Variants in NINJ1 observed in about 807,000 individuals in gnomAD.
NINJ1 encodes ninjurin 1, also known as ninjurin-1.
A neutral mutation model predicts 12.7 loss-of-function variants in NINJ1; 6 were observed. The observed-to-expected ratio is 0.47, with a 90% CI of 0.26 to 0.93. NINJ1 has a LOEUF of 0.93. NINJ1 is among the 40% of genes least tolerant of loss of function. The pLI is 0.15. For missense variants in NINJ1, 170 were observed against 213.0 expected, an observed-to-expected ratio of 0.80 and a Z score of 1.26; for synonymous variants, 100 against 96.0, an observed-to-expected ratio of 1.04 and a Z score of -0.25.
chr9:93,125,255 C>A, intron 2 of NINJ1, 193 bp from the exon 3 acceptor site: 1 of 540,988 alleles, frequency 1.8e-6, no homozygotes, highest in Non-Finnish European at 3.1e-6. Flanking sequence ...ACAACAGCGC[C>A]CCTGGCTTGG....
At position 93,133,705 on chromosome 9, in the gene NINJ1, C is replaced by T. The variant is rs995593424; in HGVS notation, c.75+438G>A. Among the ~76,000 whole-genome samples, 3 of 152,234 alleles carry T rather than the reference C, an allele frequency of 2.0e-5. No homozygotes were observed. In the East Asian group the frequency reaches 5.8e-4, roughly 29 times the overall value. ...TGTCTGCATGCAGCTGGTCTGGAGCCCGGAGGCTGTGACTCCCCTCCGCCC... is the reference window on the plus strand; with the variant it reads ...TGTCTGCATGCAGCTGGTCTGGAGCTCGGAGGCTGTGACTCCCCTCCGCCC... On this transcript the variant is annotated intron_variant, in intron 1 of 3. Transcript: ENST00000375446.
intron 1 of NINJ1, among the ~76,000 whole-genome samples, chr9:93,130,254 G>A (rs1002637574): frequency 1.2e-4 from 18 of 152,138 alleles, no homozygotes; most frequent in African/African-American, 4.3e-4. Context: ...GTGGACGGTC[G>A]GCCTCCCCAC....
chr9:93,133,351 G>A (rs1254068422), intron 1 of NINJ1, among the ~76,000 whole-genome samples: 1 of 152,246 alleles, frequency 6.6e-6, no homozygotes, highest in Non-Finnish European at 1.5e-5. Context: ...CCCCATCCCT[G>A]AGGGGGTTAG....
chr9:93,132,105 G>A (rs760529263), intron 1 of NINJ1, among the ~76,000 whole-genome samples: 6 of 152,058 alleles, frequency 3.9e-5, no homozygotes, highest in Non-Finnish European at 8.8e-5. Context: ...GGCAGGCACC[G>A]CGACCACACC....
At chr9:93,126,058 A>G in intron 2 of NINJ1, 1 of 271,520 alleles carries the variant, frequency 3.7e-6, no homozygotes, top group South Asian at 6.5e-5. Flanking sequence ...TTAGCCGGGC[A>G]TGGTGATGAG....
chr9:93,130,841 T>C (rs1827883751), intron 1 of NINJ1, among the ~76,000 whole-genome samples: 1 of 152,208 alleles, frequency 6.6e-6, no homozygotes, highest in Admixed American at 6.5e-5. Context: ...CAGGTTCTCC[T>C]GTGCTGAGCA....
chr9:93,132,612 C>G (rs935007447), intron 1 of NINJ1, among the ~76,000 whole-genome samples: 1 of 152,244 alleles, frequency 6.6e-6, no homozygotes, highest in Admixed American at 6.5e-5. Context: ...CCCAGGGAAC[C>G]CCCTGCTTTG....
chr9:93,131,288 C>T (rs1237192699), intron 1 of NINJ1, among the ~76,000 whole-genome samples: 1 of 152,252 alleles, frequency 6.6e-6, no homozygotes, highest in Non-Finnish European at 1.5e-5. Context: ...GCCAGGCAGA[C>T]CCACTTCCCG....
In NINJ1 at chr9:93,124,934, A is replaced by C. The variant is rs1449149266; in HGVS notation, c.433T>G (p.Leu145Val). Reference sequence around the variant, plus strand: ...TACTGCTGGGGTGCCATGTCCATCAAGGGCTTCTGGACCCCGAAGGCCGTG... The same window carrying C: ...TACTGCTGGGGTGCCATGTCCATCACGGGCTTCTGGACCCCGAAGGCCGTG... ...FITAFGVQKP[L>V]MDMAPQQ Residue 145 changes from leucine to valine, a missense_variant, in exon 3 of 4, where the codon TTG (leucine) becomes GTG (valine). Physicochemically the swap from Leu to Val is conservative, Grantham distance 32. Transcript: ENST00000375446. The C allele has an allele frequency of 6.2e-7, 1 of 1,613,220 alleles. No individual in the cohort carries two copies. The highest frequency in any genetic ancestry group is 8.5e-7 in the Non-Finnish European group (1 of 1,179,514).
chr9:93,126,348 C>A (rs35551956), intron 2 of NINJ1, 62 bp downstream of exon 2: 6 of 1,441,656 alleles, frequency 4.2e-6, no homozygotes, highest in Non-Finnish European at 5.8e-6. Context: ...CTGTCCCAGG[C>A]GATGCGAGCA....
chr9:93,133,799 G>T (rs79379262), intron 1 of NINJ1, among the ~76,000 whole-genome samples: 32 of 145,426 alleles, frequency 2.2e-4, no homozygotes, highest in Non-Finnish European at 3.1e-4. Context: ...GCGCGAGAGT[G>T]GGGGGGAGGT....
chr9:93,122,511 G>A (rs996786081), intron 3 of NINJ1, among the ~76,000 whole-genome samples: 3 of 152,032 alleles, frequency 2.0e-5, no homozygotes, highest in Non-Finnish European at 4.4e-5. Context: ...GCCAGGCTGT[G>A]ACAAGCCCCG....
At chr9:93,129,439 T>A (rs556763885) in intron 1 of NINJ1, among the ~76,000 whole-genome samples, 1 of 152,284 alleles carries the variant, frequency 6.6e-6, no homozygotes, top group South Asian at 2.1e-4. Context: ...GCCCTGACCA[T>A]GCACCCCTGC....
intron 2 of NINJ1, 177 bp downstream of exon 2, chr9:93,126,233 A>G (rs1424346753): frequency 1.6e-5 from 8 of 501,712 alleles, no homozygotes; most frequent in Admixed American, 1.5e-4. Flanking sequence ...ACCAAAGTGC[A>G]GGGTGGGGGG....
Position 93,134,230 on chromosome 9 carries a change from C to G in NINJ1, c.-13G>C. The G allele has an allele frequency of 6.8e-7, 1 of 1,467,882 alleles. No homozygotes were observed. 90.9% of individuals were successfully genotyped at this position (1,467,882 alleles called of 1,614,324 possible). ...TTCCCGAGTCCATGGTGCGGCCGCCCAGGCCGCCAGGATCCGGGCCTGAGC... is the reference window on the plus strand; with the variant it reads ...TTCCCGAGTCCATGGTGCGGCCGCCGAGGCCGCCAGGATCCGGGCCTGAGC... On this transcript the variant is annotated 5_prime_UTR_variant, in exon 1 of 4. Coordinates refer to ENST00000375446, the MANE Select transcript of NINJ1 (RefSeq NM_004148.4).
intron 2 of NINJ1, 196 bp from the exon 3 acceptor site, chr9:93,125,258 T>G: frequency 1.9e-6 from 1 of 526,026 alleles, no homozygotes; most frequent in Non-Finnish European, 3.3e-6. Context: ...ACAGCGCCCC[T>G]GGCTTGGGCA....
At chr9:93,128,131 C>G (rs764637447) in intron 1 of NINJ1, among the ~76,000 whole-genome samples, 7 of 152,316 alleles carry the variant, frequency 4.6e-5, no homozygotes, top group Non-Finnish European at 1.5e-5. Context: ...AGCAAGTTCA[C>G]GTGGACACAT....
rs745603326 is a variant in NINJ1, at chr9:93,126,591, G to A, written c.123C>T (p.Tyr41=). 1.4e-5 allele frequency: 22 copies of A among 1,613,138 alleles called. No homozygotes were observed. In the African/African-American group the frequency reaches 1.6e-4, roughly 12 times the overall value. Residue 41 remains tyrosine (Y), a synonymous_variant, in exon 2 of 4, where the codon TAC becomes TAT. Transcript: ENST00000375446. ...TCTCGGCTGCGCTCTTCTTGCTGGC[G>A]TAATGGTTCACGTTGATGGGCCCGT... ...WRHGPINVNH[Y]ASKKSAAESM...
chr9:93,130,344 G>A (rs952341344), intron 1 of NINJ1, among the ~76,000 whole-genome samples: 3 of 152,330 alleles, frequency 2.0e-5, no homozygotes, highest in African/African-American at 7.2e-5. Context: ...TCAGGCAGGA[G>A]GGGCTGGCAC....
Sources: gnomAD v4.1 joint callset for allele counts (sites outside exome capture counted in the v4.1 genomes callset) on GRCh38, gnomAD v4.1.1 for gene constraint, MANE v1.5 for transcripts, NCBI Gene and HGNC (gene_info 2026-07-23, HGNC 2026-07-21) for gene names.